The following FAM117B variants were observed in gnomAD, a reference collection of about 807,000 sequenced individuals.
FAM117B encodes the protein family with sequence similarity 117 member B, also known as protein FAM117B.
In FAM117B, 22 loss-of-function variants were observed where a neutral mutation model predicts 52.8. The observed-to-expected ratio is 0.42, with a 90% CI of 0.30 to 0.59. FAM117B has a LOEUF of 0.59. Ranked by LOEUF, FAM117B falls within the 20% of genes least tolerant of loss-of-function variation. FAM117B has a pLI of 0.22. For synonymous variants in FAM117B, 309 were observed against 324.1 expected, an observed-to-expected ratio of 0.95 and a Z score of 0.50; for missense variants, 678 against 802.6, an observed-to-expected ratio of 0.84 and a Z score of 1.88.
At chr2:202,669,574 A>G (rs1425078473) in intron 1 of FAM117B, among the ~76,000 whole-genome samples, 2 of 152,198 alleles carry the variant, frequency 1.3e-5, no homozygotes, top group African/African-American at 4.8e-5. Flanking sequence ...TCAAATTTGA[A>G]TGATAAAAAC....
At chr2:202,669,471 T>A (rs1690258018) in intron 1 of FAM117B, among the ~76,000 whole-genome samples, 1 of 152,180 alleles carries the variant, frequency 6.6e-6, no homozygotes, top group Non-Finnish European at 1.5e-5. Flanking sequence ...AAGGAGAGGA[T>A]AAAGTTTGCT....
At chr2:202,753,159 AC>A (rs1482619251) in intron 4 of FAM117B, among the ~76,000 whole-genome samples, 2 of 152,236 alleles carry the variant, frequency 1.3e-5, no homozygotes, top group African/African-American at 4.8e-5. Context: ...TGGTACTGGT[AC>A]CAAAGCAGAC....
intron 1 of FAM117B, among the ~76,000 whole-genome samples, chr2:202,640,295 A>C (rs7588207): frequency 1.9e-5 from 1 of 51,312 alleles, no homozygotes; most frequent in Non-Finnish European, 3.4e-5. Flanking sequence ...ACCACCACAA[A>C]ATATATATAT....
In FAM117B at chr2:202,687,205, G is replaced by T. The variant is rs990234120; in HGVS notation, c.602-8676G>T. On this transcript the variant is annotated intron_variant, in intron 1 of 7. Coordinates refer to ENST00000392238, the MANE Select transcript of FAM117B (RefSeq NM_173511.4). Reference sequence around the variant, plus strand: ...GAAGTCAGACACAAAACAGTATTATGTGATTACATTTGTATGACACCTTTT... The same window carrying T: ...GAAGTCAGACACAAAACAGTATTATTTGATTACATTTGTATGACACCTTTT... Among the ~76,000 whole-genome samples the T allele has an allele frequency of 2.6e-5, 4 of 152,292 alleles. No homozygotes were observed. The South Asian group carries it at 6.2e-4, about 24-fold the overall frequency.
rs565502997 is a variant in FAM117B, at chr2:202,635,418, AGGCGGC to A, written c.243_248del (p.Gly83_Gly84del). On this transcript the variant is annotated inframe_deletion, in exon 1 of 8. Coordinates refer to ENST00000392238, the MANE Select transcript of FAM117B (RefSeq NM_173511.4). ...GCTGTGGTGGCGCCTCAGGCCCCGC[AGGCGGC>A]GGCGGCGGCGGTGGCCCGCGCACCG... 7 of 1,241,206 alleles carry A rather than the reference AGGCGGC, an allele frequency of 5.6e-6. No individual in the cohort carries two copies. The highest frequency in any genetic ancestry group is 4.8e-5 in the African/African-American group (3 of 62,102). 76.9% of individuals were successfully genotyped at this position (1,241,206 alleles called of 1,614,324 possible).
At chr2:202,731,727 G>C (rs2105789642) in intron 4 of FAM117B, among the ~76,000 whole-genome samples, 2 of 151,944 alleles carry the variant, frequency 1.3e-5, no homozygotes, top group South Asian at 4.2e-4. Flanking sequence ...ACTGCACCCA[G>C]CCTACTTTTT....
intron 4 of FAM117B, among the ~76,000 whole-genome samples, chr2:202,751,912 CACCCAA>C (rs1691730797): frequency 6.6e-6 from 1 of 150,596 alleles, no homozygotes; most frequent in Non-Finnish European, 1.5e-5. Flanking sequence ...ACTTATAGAA[CACCCAA>C]ACTTAAAATT....
At chr2:202,708,145 A>G (rs1690902865) in intron 2 of FAM117B, among the ~76,000 whole-genome samples, 1 of 152,202 alleles carries the variant, frequency 6.6e-6, no homozygotes, top group Non-Finnish European at 1.5e-5. Flanking sequence ...TAAATATAAT[A>G]GGTATGATAA....
At chr2:202,750,276 T>C (rs1289702845) in intron 4 of FAM117B, among the ~76,000 whole-genome samples, 3 of 152,168 alleles carry the variant, frequency 2.0e-5, no homozygotes, top group Non-Finnish European at 2.9e-5. Flanking sequence ...TTTGAGAGGC[T>C]GAGGCTGTCT....
intron 1 of FAM117B, among the ~76,000 whole-genome samples, chr2:202,677,346 G>A (rs930333855): frequency 6.6e-6 from 1 of 152,172 alleles, no homozygotes; most frequent in Admixed American, 6.5e-5. Context: ...GATTACAGGC[G>A]TGAGCCACCG....
chr2:202,669,185 C>A (rs530077385), intron 1 of FAM117B, among the ~76,000 whole-genome samples: 5 of 152,014 alleles, frequency 3.3e-5, no homozygotes, highest in African/African-American at 1.2e-4. Flanking sequence ...TTTTTTTAGT[C>A]TTTTAAACCC....
intron 1 of FAM117B, among the ~76,000 whole-genome samples, chr2:202,692,223 T>A (rs879684721): frequency 1.4e-4 from 21 of 152,176 alleles, no homozygotes; most frequent in Non-Finnish European, 2.8e-4. Flanking sequence ...CACTGTAATA[T>A]AATATTATGA....
chr2:202,746,384 A>T (rs1691633696), intron 4 of FAM117B, among the ~76,000 whole-genome samples: 1 of 152,272 alleles, frequency 6.6e-6, no homozygotes, highest in Non-Finnish European at 1.5e-5. Flanking sequence ...GAAATAAAGG[A>T]AATAAAAAAA....
intron 1 of FAM117B, among the ~76,000 whole-genome samples, chr2:202,655,416 A>G (rs980973709): frequency 2.0e-4 from 31 of 152,124 alleles, no homozygotes; most frequent in African/African-American, 7.2e-4. Context: ...TCATACAGTA[A>G]GTGTATGTTT....
chr2:202,715,501 C>T (rs927346483), intron 2 of FAM117B, among the ~76,000 whole-genome samples: 2 of 150,256 alleles, frequency 1.3e-5, no homozygotes, highest in African/African-American at 4.9e-5. Flanking sequence ...GGGGCAGAGG[C>T]GCTCCCCACA....
At chr2:202,635,863 G>C (rs1559090793) in intron 1 of FAM117B, 75 bp downstream of exon 1, 5 of 1,311,640 alleles carry the variant, frequency 3.8e-6, no homozygotes, top group Non-Finnish European at 4.9e-6. Context: ...GCAATCGCGC[G>C]GGGACTGCAG....
intron 4 of FAM117B, among the ~76,000 whole-genome samples, chr2:202,751,069 G>A (rs868676089): frequency 1.3e-5 from 2 of 151,998 alleles, no homozygotes; most frequent in South Asian, 2.1e-4. Context: ...TGAGGAAAGG[G>A]AAAATCAAAA....
At chr2:202,663,371 A>G (rs936485032) in intron 1 of FAM117B, among the ~76,000 whole-genome samples, 1 of 152,208 alleles carries the variant, frequency 6.6e-6, no homozygotes, top group African/African-American at 2.4e-5. Flanking sequence ...AGTGAACTTT[A>G]TTATAGGAAA....
chr2:202,727,400 G>A (rs919973729), intron 4 of FAM117B, among the ~76,000 whole-genome samples: 14 of 151,884 alleles, frequency 9.2e-5, no homozygotes, highest in Non-Finnish European at 1.9e-4. Flanking sequence ...TCCTTTTTGT[G>A]CCACAAAAAT....
Sources: allele counts gnomAD v4.1 joint callset (sites outside exome capture counted in the v4.1 genomes callset), GRCh38; gene constraint gnomAD v4.1.1; transcripts MANE v1.5; gene names NCBI Gene and HGNC (gene_info 2026-07-23, HGNC 2026-07-21).